PDLIM5: variants seen among roughly 807,000 people sequenced by gnomAD.
The protein encoded by PDLIM5 is PDZ and LIM domain 5.
A neutral mutation model predicts 64.2 loss-of-function variants in PDLIM5; 34 were observed. The ratio of observed to expected loss-of-function variants is 0.53; its 90% confidence interval spans 0.40 to 0.71. The LOEUF is 0.71. Among genes scored for constraint, PDLIM5 ranks in the 30% least tolerant of loss-of-function variants. The probability of loss-of-function intolerance (pLI) is 0.00; values close to 1 mark genes in which losing one functional copy is unlikely to be tolerated. For missense variants in PDLIM5, 683 were observed against 733.6 expected (o/e 0.93, Z 0.80); for synonymous variants, 253 against 269.1 (o/e 0.94, Z 0.59).
chr4:94,454,606 C>T (rs1012614036), intron 1 of PDLIM5, among the ~76,000 whole-genome samples: 11 of 152,092 alleles, frequency 7.2e-5, no homozygotes, highest in African/African-American at 7.2e-5. Flanking sequence ...TATTGCCTAT[C>T]GTTGACTATC....
chr4:94,492,029 C>T (rs1431935297), intron 2 of PDLIM5, among the ~76,000 whole-genome samples: 1 of 151,748 alleles, frequency 6.6e-6, no homozygotes, highest in Non-Finnish European at 1.5e-5. Context: ...TATCTTTTGA[C>T]CAGTAACTCC....
intron 3 of PDLIM5, among the ~76,000 whole-genome samples, chr4:94,546,565 A>G (rs1177795366): frequency 1.3e-5 from 2 of 152,178 alleles, no homozygotes; most frequent in Admixed American, 6.5e-5. Flanking sequence ...CTTTAGGGAA[A>G]TATTTTAATG....
chr4:94,477,637 A>G (rs1333821685), intron 2 of PDLIM5, among the ~76,000 whole-genome samples: 1 of 152,198 alleles, frequency 6.6e-6, no homozygotes, highest in Non-Finnish European at 1.5e-5. Flanking sequence ...AAGTTAATAC[A>G]TTTTGGCTTA....
chr4:94,495,045 C>T (rs950995663), intron 2 of PDLIM5, among the ~76,000 whole-genome samples: 27 of 152,106 alleles, frequency 1.8e-4, no homozygotes, highest in African/African-American at 6.0e-4. Flanking sequence ...ATGCCCGGCC[C>T]GACCATGTTT....
intron 2 of PDLIM5, among the ~76,000 whole-genome samples, chr4:94,497,625 T>C (rs866170594): frequency 9.8e-5 from 15 of 152,334 alleles, no homozygotes; most frequent in African/African-American, 3.4e-4. Context: ...TATTCTGTCT[T>C]AAAGCCTGTT....
intron 1 of PDLIM5, among the ~76,000 whole-genome samples, chr4:94,453,350 A>C (rs1000324395): frequency 2.6e-5 from 4 of 152,168 alleles, no homozygotes; most frequent in South Asian, 2.1e-4. Flanking sequence ...CTAGCAGAAG[A>C]AGCATCTAGA....
chr4:94,524,073 A>C (rs1318141712), intron 3 of PDLIM5, among the ~76,000 whole-genome samples, 198 bp downstream of exon 3: 1 of 152,164 alleles, frequency 6.6e-6, no homozygotes, highest in African/African-American at 2.4e-5. Flanking sequence ...CCCCATCAAA[A>C]GGCATGTATT....
At chr4:94,573,131 A>G (rs1340354049) in intron 3 of PDLIM5, among the ~76,000 whole-genome samples, 2 of 152,200 alleles carry the variant, frequency 1.3e-5, no homozygotes, top group Non-Finnish European at 2.9e-5. Flanking sequence ...AGAGACTGCT[A>G]TTGAATACCT....
At chr4:94,638,190 A>G (rs1035676196) in intron 8 of PDLIM5, among the ~76,000 whole-genome samples, 2 of 152,238 alleles carry the variant, frequency 1.3e-5, no homozygotes, top group Non-Finnish European at 2.9e-5. Context: ...AGAAGAAATC[A>G]GGCCTGGATA....
intron 2 of PDLIM5, among the ~76,000 whole-genome samples, chr4:94,479,966 A>G (rs1412757807): frequency 1.3e-5 from 2 of 152,196 alleles, no homozygotes; most frequent in Non-Finnish European, 2.9e-5. Context: ...AAATATCACT[A>G]GGGGAAGGAG....
At chr4:94,642,544 A>G (rs776958494) in intron 9 of PDLIM5, among the ~76,000 whole-genome samples, 2 of 152,158 alleles carry the variant, frequency 1.3e-5, no homozygotes, top group African/African-American at 2.4e-5. Context: ...GTTAAATTTT[A>G]TATTGTTCTG....
chr4:94,470,431 C>A (rs1232168972), intron 2 of PDLIM5, among the ~76,000 whole-genome samples: 6 of 152,090 alleles, frequency 3.9e-5, no homozygotes, highest in Non-Finnish European at 7.3e-5. Context: ...GAATTTGCCT[C>A]AAAGACAAAG....
At chr4:94,656,696 G>T (rs569143271) in intron 10 of PDLIM5, 2 of 150,940 alleles carry the variant, frequency 1.3e-5, no homozygotes, top group Admixed American at 1.3e-4. Context: ...GTGCAGTGGC[G>T]CGATATCGGC....
intron 2 of PDLIM5, among the ~76,000 whole-genome samples, chr4:94,472,875 T>TCGCAGGATTTCTCATTACTAACAACA (rs1470615701): frequency 1.6e-4 from 24 of 152,228 alleles, no homozygotes; most frequent in Non-Finnish European, 3.1e-4. Flanking sequence ...GAACATTTAT[T>TCGCAGGATTTCTCATTACTAACAACA]ATATGCAGGA....
chr4:94,627,285 A>C (rs1739776901), intron 8 of PDLIM5, among the ~76,000 whole-genome samples: 1 of 152,206 alleles, frequency 6.6e-6, no homozygotes, highest in Non-Finnish European at 1.5e-5. Context: ...GAAAAAATAA[A>C]AGTAACAACC....
chr4:94,586,551 C>G, intron 7 of PDLIM5, 107 bp downstream of exon 7: 1 of 664,566 alleles, frequency 1.5e-6, no homozygotes. Flanking sequence ...GTCTTTGCAG[C>G]TAGAAGCTAA....
Position 94,575,636 on chromosome 4 carries a change from T to G in PDLIM5, c.312T>G (p.Val104=), listed in dbSNP as rs1307606770. 1 of 1,589,482 alleles carries G rather than the reference T, an allele frequency of 6.3e-7. No homozygotes were observed. Among genetic ancestry groups the G allele is most frequent in the Admixed American group, 1.7e-5 (1 of 58,622 alleles). The change falls in exon 5 of 13, where the codon GTT becomes GTG. Residue 104 remains valine (V), a synonymous_variant. Transcript: ENST00000317968. ...PVQKGEPKEV[V]KPVPITSPAV... ...CATAGGGAGAACCTAAAGAAGTAGT[T>G]AAACCTGTGCCCATTACATCTCCTG...
chr4:94,455,179 C>T, intron 1 of PDLIM5, 68 bp from the exon 2 acceptor site: 1 of 647,486 alleles, frequency 1.5e-6, no homozygotes, highest in South Asian at 2.0e-5. Flanking sequence ...AAACAAAATA[C>T]TAAACATAAT....
At chr4:94,482,151 A>G (rs150394905) in intron 2 of PDLIM5, among the ~76,000 whole-genome samples, 69 of 149,136 alleles carry the variant, frequency 4.6e-4, no homozygotes, top group African/African-American at 1.4e-3. Flanking sequence ...CTAGCATATC[A>G]TGTTGTGATT....
Sources: allele counts gnomAD v4.1 joint callset (sites outside exome capture counted in the v4.1 genomes callset), GRCh38; gene constraint gnomAD v4.1.1; transcripts MANE v1.5; gene names NCBI Gene and HGNC (gene_info 2026-07-23, HGNC 2026-07-21).